The following RBFOX1 variants were observed in gnomAD, a reference collection of about 807,000 sequenced individuals.
RBFOX1 encodes RNA binding fox-1 homolog 1.
RBFOX1 carries 8 observed loss-of-function variants against 57.7 expected under a neutral mutation model. That is an observed-to-expected ratio of 0.14 (90% CI 0.08 to 0.25). The LOEUF (loss-of-function observed/expected upper bound fraction) is 0.25, where lower values mean the gene tolerates loss of function less well. Among genes scored for constraint, RBFOX1 ranks in the 10% least tolerant of loss-of-function variants. RBFOX1 has a pLI of 1.00. For missense variants in RBFOX1, 611 were observed against 548.5 expected (o/e 1.11, Z -1.14); for synonymous variants, 326 against 222.4 (o/e 1.47, Z -4.15).
intron 1 of RBFOX1, among the ~76,000 whole-genome samples, chr16:6,135,943 C>T (rs561351563): frequency 4.6e-5 from 7 of 151,702 alleles, no homozygotes; most frequent in South Asian, 2.1e-4. Context: ...TATAGGTGCC[C>T]GCCACCATAC....
At chr16:5,389,740 C>T (rs547832285) in intron 1 of RBFOX1, among the ~76,000 whole-genome samples, 1 of 151,770 alleles carries the variant, frequency 6.6e-6, no homozygotes, top group Non-Finnish European at 1.5e-5. Flanking sequence ...CACTGTTGCC[C>T]AGGCTGGAGT....
chr16:6,950,576 T>C (rs1022454591), intron 3 of RBFOX1, among the ~76,000 whole-genome samples: 2 of 152,196 alleles, frequency 1.3e-5, no homozygotes, highest in Non-Finnish European at 2.9e-5. Context: ...AGGAGACTTA[T>C]TTCCATAGCA....
At chr16:7,405,100 C>A (rs1193332442) in intron 4 of RBFOX1, among the ~76,000 whole-genome samples, 1 of 152,194 alleles carries the variant, frequency 6.6e-6, no homozygotes, top group Non-Finnish European at 1.5e-5. Context: ...CAGGGTGATT[C>A]TTGAGAGCTT....
At chr16:6,791,576 T>C (rs2082952627) in intron 3 of RBFOX1, among the ~76,000 whole-genome samples, 1 of 152,162 alleles carries the variant, frequency 6.6e-6, no homozygotes, top group Non-Finnish European at 1.5e-5. Context: ...CTGGCCAACA[T>C]GGTGAAACCC....
intron 1 of RBFOX1, among the ~76,000 whole-genome samples, chr16:5,309,830 C>G (rs74003865): frequency 0.072 from 11,037 of 152,286 alleles, 700 homozygotes; most frequent in African/African-American, 0.18. Flanking sequence ...CACAGTTCAT[C>G]TGACCCTCAA....
chr16:6,830,525 A>G (rs374737991), intron 3 of RBFOX1, among the ~76,000 whole-genome samples: 1 of 152,140 alleles, frequency 6.6e-6, no homozygotes, highest in South Asian at 2.1e-4. Context: ...TTGTTCCCCC[A>G]GGGGACAGCT....
intron 4 of RBFOX1, among the ~76,000 whole-genome samples, chr16:7,461,888 A>G (rs533086146): frequency 3.4e-4 from 51 of 152,234 alleles, no homozygotes; most frequent in Admixed American, 7.8e-4. Flanking sequence ...GTATCAGACC[A>G]TCCTTGGTAC....
At chr16:5,832,966 C>G (rs1237270201) in intron 3 of RBFOX1, among the ~76,000 whole-genome samples, 1 of 152,154 alleles carries the variant, frequency 6.6e-6, no homozygotes, top group Non-Finnish European at 1.5e-5. Flanking sequence ...GATTTCATCC[C>G]TTTTTGGGCC....
At position 5,939,304 on chromosome 16, in the gene RBFOX1, A is replaced by G. The variant is rs147138411; in HGVS notation, c.351+71969A>G. Among the ~76,000 whole-genome samples the G allele has an allele frequency of 2.0e-5, 3 of 152,358 alleles. No individual in the cohort carries two copies. In the East Asian group the frequency reaches 5.8e-4, roughly 29 times the overall value. ...ATCATCACAAACTTAGATTAAAACA[A>G]CGGATAGTTATTATATGACAGTTTC... On this transcript the variant is annotated intron_variant, in intron 4 of 19. Transcript: ENST00000641259.
At chr16:6,630,800 G>C (rs2098375847) in intron 2 of RBFOX1, among the ~76,000 whole-genome samples, 1 of 152,136 alleles carries the variant, frequency 6.6e-6, no homozygotes, top group East Asian at 1.9e-4. Flanking sequence ...TACCCGACCT[G>C]CTCGTTACAG....
chr16:6,260,005 C>A (rs770367005), intron 1 of RBFOX1, among the ~76,000 whole-genome samples: 31 of 150,864 alleles, frequency 2.1e-4, no homozygotes, highest in Non-Finnish European at 4.0e-4. Flanking sequence ...TTCCCACTTT[C>A]AAATCTCTGC....
chr16:5,587,039 C>G (rs1179567416), intron 2 of RBFOX1, among the ~76,000 whole-genome samples: 1 of 152,170 alleles, frequency 6.6e-6, no homozygotes, highest in African/African-American at 2.4e-5. Flanking sequence ...AAACCTGGGT[C>G]TCAGCCCCAG....
intron 4 of RBFOX1, among the ~76,000 whole-genome samples, chr16:7,217,537 C>G (rs979812769): frequency 1.3e-5 from 2 of 151,936 alleles, no homozygotes; most frequent in Admixed American, 6.5e-5. Flanking sequence ...CTTCCAACCC[C>G]TCGTCCATCA....
intron 4 of RBFOX1, among the ~76,000 whole-genome samples, chr16:7,068,499 C>A (rs1007138221): frequency 2.0e-4 from 30 of 152,312 alleles, no homozygotes; most frequent in Admixed American, 5.2e-4. Flanking sequence ...GCATTCATTG[C>A]TTCACCATTT....
At chr16:5,816,838 C>G (rs1329100503) in intron 3 of RBFOX1, among the ~76,000 whole-genome samples, 3 of 152,092 alleles carry the variant, frequency 2.0e-5, no homozygotes, top group African/African-American at 7.2e-5. Context: ...ATTCTGTCCT[C>G]TCTGTGTTCT....
chr16:5,866,357 G>A (rs940778715), intron 3 of RBFOX1, among the ~76,000 whole-genome samples: 1 of 152,176 alleles, frequency 6.6e-6, no homozygotes, highest in African/African-American at 2.4e-5. Flanking sequence ...CAAAGGTCCA[G>A]TCTCCAAATA....
chr16:6,045,097 C>G (rs1393770939), intron 1 of RBFOX1, among the ~76,000 whole-genome samples: 2 of 152,192 alleles, frequency 1.3e-5, no homozygotes, highest in Non-Finnish European at 2.9e-5. Flanking sequence ...ACCAACGGAA[C>G]TAAAGCAGGG....
chr16:6,680,399 A>G (rs984406300), intron 3 of RBFOX1, among the ~76,000 whole-genome samples: 16 of 150,304 alleles, frequency 1.1e-4, no homozygotes, highest in African/African-American at 3.7e-4. Context: ...AGTAGCTGGG[A>G]CTACAGGCAC....
chr16:7,101,440 G>A (rs1299225409), intron 4 of RBFOX1, among the ~76,000 whole-genome samples: 2 of 152,152 alleles, frequency 1.3e-5, no homozygotes, highest in African/African-American at 4.8e-5. Context: ...ACATAATATA[G>A]CAGTGAATGT....
Sources: gnomAD v4.1 joint callset for allele counts (sites outside exome capture counted in the v4.1 genomes callset) on GRCh38, gnomAD v4.1.1 for gene constraint, MANE v1.5 for transcripts, NCBI Gene and HGNC (gene_info 2026-07-23, HGNC 2026-07-21) for gene names.